Variants in SMPD1 observed in about 807,000 individuals in gnomAD.
SMPD1 encodes the protein sphingomyelin phosphodiesterase.
Under a neutral mutation model 49.7 loss-of-function variants are expected in SMPD1, and 47 were observed. The observed-to-expected ratio is 0.95, with a 90% CI of 0.75 to 1.21. SMPD1 has a LOEUF of 1.21. Among genes scored for constraint, SMPD1 ranks in the 50% most tolerant of loss-of-function variants. The probability of loss-of-function intolerance (pLI) is 0.00; values close to 1 mark genes in which losing one functional copy is unlikely to be tolerated. For synonymous variants in SMPD1, 336 were observed against 339.6 expected, an observed-to-expected ratio of 0.99 and a Z score of 0.12; for missense variants, 811 against 822.2, an observed-to-expected ratio of 0.99 and a Z score of 0.17.
chr11:6,392,283 C>T, intron 2 of SMPD1, 127 bp downstream of exon 2: 1 of 957,590 alleles, frequency 1.0e-6, no homozygotes, highest in Non-Finnish European at 1.6e-6. Context: ...ATTTGGCTCC[C>T]CTAATCTGAC....
At position 6,390,570 on chromosome 11, in the gene SMPD1, C is replaced by T; in HGVS notation, c.-29C>T. ...TCCAGGCCGGGGGGGACGGGACAGACGAACCAGCCCCGTGTAGGAAGCGCG... is the reference window on the plus strand; with the variant it reads ...TCCAGGCCGGGGGGGACGGGACAGATGAACCAGCCCCGTGTAGGAAGCGCG... On this transcript the variant is annotated 5_prime_UTR_variant, in exon 1 of 6. The change creates a new upstream start codon in the 5' untranslated region. Coordinates refer to ENST00000342245, the MANE Select transcript of SMPD1 (RefSeq NM_000543.5). The T allele has an allele frequency of 6.2e-7, 1 of 1,605,212 alleles. No individual in the cohort carries two copies. Among genetic ancestry groups the T allele is most frequent in the Non-Finnish European group, 8.5e-7 (1 of 1,176,982 alleles).
intron 2 of SMPD1, among the ~76,000 whole-genome samples, chr11:6,392,984 T>C (rs1480695169): frequency 6.6e-6 from 1 of 152,168 alleles, no homozygotes; most frequent in Non-Finnish European, 1.5e-5. Flanking sequence ...TGGTCCTTGC[T>C]TCCCATTCTA....
Position 6,394,624 on chromosome 11 carries a change from T to C in SMPD1, c.*17T>C. ...TTTTGCTAGGGCCCCAGGGCCCACATTTGGGAAAGTTCTTGATGTAGGAAA... is the reference window on the plus strand; with the variant it reads ...TTTTGCTAGGGCCCCAGGGCCCACACTTGGGAAAGTTCTTGATGTAGGAAA... On this transcript the variant is annotated 3_prime_UTR_variant, in exon 6 of 6. Coordinates refer to ENST00000342245, the MANE Select transcript of SMPD1 (RefSeq NM_000543.5). 1 of 1,594,216 alleles carries C rather than the reference T, an allele frequency of 6.3e-7. No individual in the cohort carries two copies. Among genetic ancestry groups the C allele is most frequent in the South Asian group, 1.1e-5 (1 of 90,954 alleles).
rs373610032 is a variant in SMPD1, at chr11:6,393,734, G to A, written c.1340+41G>A. The A allele has an allele frequency of 1.3e-5, 20 of 1,580,348 alleles. 1 individual carries two copies. In the African/African-American group the frequency reaches 2.2e-4, roughly 17 times the overall value. ...GGGTGGGAATAGGGACAGGGTGAGTGTCTGAAGGCTGAAAATTCCCTTGAG... is the reference window on the plus strand; with the variant it reads ...GGGTGGGAATAGGGACAGGGTGAGTATCTGAAGGCTGAAAATTCCCTTGAG... On this transcript the variant is annotated intron_variant, in intron 4 of 5. Coordinates refer to ENST00000342245, the MANE Select transcript of SMPD1 (RefSeq NM_000543.5).
Position 6,390,839 on chromosome 11 carries a change from C to T in SMPD1, c.241C>T (p.Arg81Ter), listed in dbSNP as rs868423827. The change falls in exon 1 of 6, where the codon CGA becomes TGA. Residue 81 changes from arginine to a stop codon, truncating the protein, a stop_gained. Transcript: ENST00000342245. LOFTEE classifies it high-confidence loss of function. The part of the protein sequence containing the change: ...ARLHRIVPRL[R>*]DVFGWGNLTC... The stretch of plus-strand genomic sequence containing the variant: ...GTTACATCGCATAGTGCCCCGGCTC[C>T]GAGATGTCTTTGGGTGGGGGAACCT... 3.1e-6 allele frequency: 5 copies of T among 1,614,012 alleles called. No individual in the cohort carries two copies. The highest frequency in any genetic ancestry group is 1.3e-5 in the African/African-American group (1 of 74,898).
At chr11:6,393,482 G>C (rs1178658656) in intron 3 of SMPD1, 95 bp downstream of exon 3, 2 of 1,460,590 alleles carry the variant, frequency 1.4e-6, no homozygotes, top group Non-Finnish European at 1.9e-6. Context: ...TATTTTCCTG[G>C]CATTCCCAAC....
chr11:6,392,535 T>C (rs1847981685), intron 2 of SMPD1, among the ~76,000 whole-genome samples: 2 of 129,636 alleles, frequency 1.5e-5, no homozygotes, highest in Non-Finnish European at 3.2e-5. Context: ...TCTTGCTCTG[T>C]TGCCCAGGCT....
At chr11:6,391,022 GGGT>G in intron 1 of SMPD1, 106 bp downstream of exon 1, 1 of 1,404,890 alleles carries the variant, frequency 7.1e-7, no homozygotes, top group Non-Finnish European at 9.8e-7. Context: ...CTGATGGAGA[GGGT>G]GGCATCTACA....
Position 6,394,674 on chromosome 11 carries a change from G to A in SMPD1, c.*67G>A. 3 of 1,364,602 alleles carry A rather than the reference G, an allele frequency of 2.2e-6. No individual in the cohort carries two copies. Among genetic ancestry groups the A allele is most frequent in the East Asian group, 2.3e-5 (1 of 42,786 alleles). The allele number at this position is 1,364,602 out of a possible 1,614,324, so 84.5% of individuals were successfully genotyped here. A position where few individuals can be genotyped will look rare whatever the true frequency, so the allele number is the denominator to read the frequency against. On this transcript the variant is annotated 3_prime_UTR_variant, in exon 6 of 6. Coordinates refer to ENST00000342245, the MANE Select transcript of SMPD1 (RefSeq NM_000543.5). Reference sequence around the variant, plus strand: ...AGGGTGAAAAAGCCCAAATGCTGCTGTGGTTCAACCAGGCAAGATCATCCG... The same window carrying A: ...AGGGTGAAAAAGCCCAAATGCTGCTATGGTTCAACCAGGCAAGATCATCCG...
At chr11:6,393,468 G>C in intron 3 of SMPD1, 81 bp downstream of exon 3, 1 of 1,518,650 alleles carries the variant, frequency 6.6e-7, no homozygotes, top group Non-Finnish European at 9.1e-7. Flanking sequence ...GGGCACAGAA[G>C]TTTTATTTTC....
rs1302147276 is a variant in SMPD1 at position 6,391,451 on chromosome 11, C to T, written c.386C>T (p.Pro129Leu). 4 of 1,613,654 alleles carry T rather than the reference C, an allele frequency of 2.5e-6. No homozygotes were observed. Among genetic ancestry groups the T allele is most frequent in the African/African-American group, 1.3e-5 (1 of 74,922 alleles). The change falls in exon 2 of 6, where the codon CCA becomes CTA. Residue 129 changes from proline to leucine, a missense_variant. Pro to Leu is a moderately conservative substitution (Grantham distance 98). Coordinates refer to ENST00000342245, the MANE Select transcript of SMPD1 (RefSeq NM_000543.5). ...CTGTGCAATCTGCTGAAGATAGCAC[C>T]ACCTGCCGTGTGCCAATCCATTGTC... Reference protein sequence around the residue: ...IKLCNLLKIAPPAVCQSIVHL... With the variant: ...IKLCNLLKIALPAVCQSIVHL...
intron 2 of SMPD1, 77 bp downstream of exon 2, chr11:6,392,233 T>A: frequency 1.3e-6 from 2 of 1,506,550 alleles, no homozygotes; most frequent in Non-Finnish European, 1.8e-6. Flanking sequence ...ACCTGGGGCA[T>A]TGTCTCTGAT....
Position 6,391,945 on chromosome 11 carries a change from C to A in SMPD1, c.880C>A (p.Gln294Lys), listed in dbSNP as rs120074128. Reference protein sequence around the residue: ...HDVWHQTRQDQLRALTTVTAL... With the variant: ...HDVWHQTRQDKLRALTTVTAL... Reference sequence around the variant, plus strand: ...TGTCTGGCACCAGACTCGTCAGGACCAACTGCGGGCCCTGACCACCGTCAC... The same window carrying A: ...TGTCTGGCACCAGACTCGTCAGGACAAACTGCGGGCCCTGACCACCGTCAC... The change falls in exon 2 of 6, where the codon CAA (glutamine) becomes AAA (lysine). Residue 294 changes from glutamine to lysine, a missense_variant. Transcript: ENST00000342245. The A allele has an allele frequency of 1.8e-5, 29 of 1,614,062 alleles. No homozygotes were observed. The highest frequency in any genetic ancestry group is 2.5e-5 in the Non-Finnish European group (29 of 1,180,044).
rs750779804 is a variant in SMPD1 at position 6,391,813 on chromosome 11, A to C, written c.748A>C (p.Ser250Arg). The C allele has an allele frequency of 8.7e-6, 14 of 1,613,164 alleles. No homozygotes were observed. The highest frequency in any genetic ancestry group is 2.2e-5 in the South Asian group (2 of 91,088). ...RPGAGYWGEYSKCDLPLRTLE... is the reference protein window; with the variant it reads ...RPGAGYWGEYRKCDLPLRTLE... ...AGGTGCCGGATACTGGGGCGAATACAGCAAGTGTGACCTGCCCCTGAGGAC... is the reference window on the plus strand; with the variant it reads ...AGGTGCCGGATACTGGGGCGAATACCGCAAGTGTGACCTGCCCCTGAGGAC... Residue 250 changes from serine to arginine, a missense_variant, in exon 2 of 6, where the codon AGC (serine) becomes CGC (arginine). Coordinates refer to ENST00000342245, the MANE Select transcript of SMPD1 (RefSeq NM_000543.5).
Position 6,391,391 on chromosome 11 carries a change from C to A in SMPD1, c.326C>A (p.Pro109His). The change falls in exon 2 of 6, where the codon CCC (proline) becomes CAC (histidine). Residue 109 changes from proline to histidine, a missense_variant. Physicochemically the swap from Pro to His is moderately conservative, Grantham distance 77 (BLOSUM62 -2). Transcript: ENST00000342245. ...GCGCTCCTCCCACTGCAGAAGGAAC[C>A]CAATGTGGCTCGCGTGGGCTCCGTG... ...TAINLGLKKE[P>H]NVARVGSVAI... 5 of 1,612,510 alleles carry A rather than the reference C, an allele frequency of 3.1e-6. No homozygotes were observed. The highest frequency in any genetic ancestry group is 4.2e-6 in the Non-Finnish European group (5 of 1,179,936).
rs768283171 is a variant in SMPD1 at position 6,393,351 on chromosome 11, G to A, written c.1227G>A (p.Val409=). 1.1e-5 allele frequency: 17 copies of A among 1,613,790 alleles called. No homozygotes were observed. The Middle Eastern group carries it at 4.9e-4, about 47-fold the overall frequency. The change falls in exon 3 of 6, where the codon GTG becomes GTA. Residue 409 remains valine (V), a synonymous_variant. Transcript: ENST00000342245. ...CCGCAGGACAGCTCCAGTGGCTGGTGGGGGAGCTTCAGGCTGCTGAGGATC... is the reference window on the plus strand; with the variant it reads ...CCGCAGGACAGCTCCAGTGGCTGGTAGGGGAGCTTCAGGCTGCTGAGGATC... The part of the protein sequence containing the change: ...TDPAGQLQWL[V]GELQAAEDRG...
chr11:6,390,885 G>C lies in SMPD1; in HGVS notation c.287G>C (p.Gly96Ala). The change falls in exon 1 of 6, where the codon GGT becomes GCT. Residue 96 changes from glycine to alanine, a missense_variant. Gly to Ala is a moderately conservative substitution (Grantham distance 60, BLOSUM62 0). Transcript: ENST00000342245. ...AACCTCACCTGCCCAATCTGCAAAG[G>C]TCTATTCACCGCCATCAACCTCGGG... ...WGNLTCPICK[G>A]LFTAINLGLK... The C allele has an allele frequency of 6.2e-6, 10 of 1,614,208 alleles. No homozygotes were observed. Among genetic ancestry groups the C allele is most frequent in the Non-Finnish European group, 8.5e-6 (10 of 1,180,040 alleles).
rs1275053638 is a variant in SMPD1 at position 6,391,562 on chromosome 11, C to T, written c.497C>T (p.Thr166Ile). Reference sequence around the variant, plus strand: ...GCCTGTGGCCTGCTCCTGGGCTCCACCTGTGGGCACTGGGACATTTTCTCA... The same window carrying T: ...GCCTGTGGCCTGCTCCTGGGCTCCATCTGTGGGCACTGGGACATTTTCTCA... The part of the protein sequence containing the change: ...SEACGLLLGS[T>I]CGHWDIFSSW... Residue 166 changes from threonine (T) to isoleucine (I), a missense_variant, in exon 2 of 6, where the codon ACC becomes ATC. Transcript: ENST00000342245. 6.2e-7 allele frequency: 1 copy of T among 1,613,580 alleles called. No homozygotes were observed. The highest frequency in any genetic ancestry group is 1.7e-5 in the Admixed American group (1 of 59,966).
chr11:6,390,501 C>T lies in SMPD1; in HGVS notation c.-98C>T, dbSNP rs147605872. ...TCAGCCGACTACAGAGAAGGGTAAT[C>T]GGGTGTCCCCGGCGCCGCCCGGGGC... On this transcript the variant is annotated 5_prime_UTR_variant, in exon 1 of 6. Coordinates refer to ENST00000342245, the MANE Select transcript of SMPD1 (RefSeq NM_000543.5). 44 of 1,543,992 alleles carry T rather than the reference C, an allele frequency of 2.8e-5. No homozygotes were observed. In the East Asian group the frequency reaches 9.9e-4, roughly 35 times the overall value.
Sources: allele counts gnomAD v4.1 joint callset (sites outside exome capture counted in the v4.1 genomes callset), GRCh38; gene constraint gnomAD v4.1.1; transcripts MANE v1.5; gene names NCBI Gene and HGNC (gene_info 2026-07-23, HGNC 2026-07-21).